Variants in SLMAP observed in about 807,000 individuals in gnomAD.
SLMAP encodes sarcolemmal membrane-associated protein.
A neutral mutation model predicts 128.8 loss-of-function variants in SLMAP; 44 were observed. The observed-to-expected ratio is 0.34, with a 90% CI of 0.27 to 0.44. The LOEUF (loss-of-function observed/expected upper bound fraction) is 0.44. Among genes scored for constraint, SLMAP ranks in the 20% least tolerant of loss-of-function variants. SLMAP has a pLI of 1.00. For synonymous variants in SLMAP, 327 were observed against 348.8 expected (o/e 0.94, Z 0.70); for missense variants, 787 against 985.3 (o/e 0.80, Z 2.69).
At position 57,847,230 on chromosome 3, in the gene SLMAP, C is replaced by T; in HGVS notation, c.453C>T (p.Asp151=). 1.9e-6 allele frequency: 3 copies of T among 1,608,930 alleles called. No individual in the cohort carries two copies. The highest frequency in any genetic ancestry group is 2.2e-5 in the East Asian group (1 of 44,698). The part of the protein sequence containing the change: ...VIHAPLPSPV[D]KVAANTPSMY... Reference sequence around the variant, plus strand: ...ATGCACCATTACCAAGTCCTGTTGACAAAGTAAGTTGCTAATGATTATTTT... The same window carrying T: ...ATGCACCATTACCAAGTCCTGTTGATAAAGTAAGTTGCTAATGATTATTTT... The change falls in exon 5 of 25, where the codon GAC becomes GAT. Residue 151 remains aspartate (D), a synonymous_variant. Transcript: ENST00000671191.
chr3:57,847,935 G>T (rs2094329137), intron 5 of SLMAP, among the ~76,000 whole-genome samples: 1 of 152,118 alleles, frequency 6.6e-6, no homozygotes, highest in Non-Finnish European at 1.5e-5. Context: ...AGTAAAAGTG[G>T]TTAATCATCA....
intron 17 of SLMAP, among the ~76,000 whole-genome samples, chr3:57,906,310 C>CTTTTTCTTTTT (rs2096549127): frequency 2.1e-5 from 1 of 47,046 alleles, no homozygotes; most frequent in African/African-American, 7.1e-5. Flanking sequence ...CTTTTTTTTT[C>CTTTTTCTTTTT]TTTTTTTTTT....
chr3:57,776,522 C>CTCT lies in SLMAP; in HGVS notation c.198+18674_198+18675insCTT, dbSNP rs571722815. On this transcript the variant is annotated intron_variant, in intron 2 of 24. Transcript: ENST00000671191. The stretch of plus-strand genomic sequence containing the variant: ...ATTTGTCCCTTCTCTCTCTCTCTCT[C>CTCT]TTTTTTTTTTTTTTTTTTTTTGAGA... Among the ~76,000 whole-genome samples the CTCT allele has an allele frequency of 4.5e-3, 418 of 92,606 alleles. 3 individuals carry two copies. Among genetic ancestry groups the CTCT allele is most frequent in the African/African-American group, 0.017 (366 of 21,414 alleles). 60.8% of individuals were successfully genotyped at this position (92,606 alleles called of 152,430 possible).
intron 22 of SLMAP, among the ~76,000 whole-genome samples, chr3:57,920,520 G>A (rs1283453830): frequency 6.6e-6 from 1 of 152,046 alleles, no homozygotes; most frequent in Non-Finnish European, 1.5e-5. Flanking sequence ...TCATTCCAAG[G>A]TGTTTACATT....
At chr3:57,892,868 C>T (rs973300800) in intron 15 of SLMAP, among the ~76,000 whole-genome samples, 1 of 131,630 alleles carries the variant, frequency 7.6e-6, no homozygotes, top group African/African-American at 2.9e-5. Context: ...GAGTCTCGCT[C>T]TGTTGCGCAG....
intron 2 of SLMAP, among the ~76,000 whole-genome samples, chr3:57,807,779 C>T (rs896364303): frequency 2.0e-5 from 3 of 152,100 alleles, no homozygotes; most frequent in Non-Finnish European, 2.9e-5. Flanking sequence ...ATGATGCTGG[C>T]CTCATAAAAT....
intron 6 of SLMAP, among the ~76,000 whole-genome samples, chr3:57,853,640 C>T (rs2094584978): frequency 6.6e-6 from 1 of 151,860 alleles, no homozygotes; most frequent in Admixed American, 6.6e-5. Flanking sequence ...CAATGTCTTT[C>T]TCTGTAAAAT....
At chr3:57,837,884 A>C (rs1446869343) in intron 3 of SLMAP, among the ~76,000 whole-genome samples, 1 of 152,252 alleles carries the variant, frequency 6.6e-6, no homozygotes, top group Non-Finnish European at 1.5e-5. Context: ...TGTCATGAGA[A>C]TCACATTAAA....
chr3:57,853,955 TTATATATA>T (rs1157170350), intron 6 of SLMAP, among the ~76,000 whole-genome samples: 666 of 31,898 alleles, frequency 0.021, 18 homozygotes, highest in African/African-American at 0.025. Flanking sequence ...AAAAAAAAAA[TTATATATA>T]TATATATATA....
At chr3:57,815,587 A>G (rs558669886) in intron 2 of SLMAP, among the ~76,000 whole-genome samples, 25 of 152,192 alleles carry the variant, frequency 1.6e-4, no homozygotes, top group African/African-American at 5.5e-4. Context: ...TATGTTATAT[A>G]TTTATCACCT....
chr3:57,892,783 AACACAC>A lies in SLMAP; in HGVS notation c.1360+2705_1360+2710del, dbSNP rs141561615. On this transcript the variant is annotated intron_variant, in intron 15 of 24. Coordinates refer to ENST00000671191, the MANE Select transcript of SLMAP (RefSeq NM_001377540.1). Reference sequence around the variant, plus strand: ...AACGTAACAAGACACTGTCTCTTAAAACACACACACACACACACACACACACATACA... The same window carrying A: ...AACGTAACAAGACACTGTCTCTTAAAACACACACACACACACACACATACA... 4.9e-5 allele frequency among the ~76,000 whole-genome samples: 7 copies of A among 143,904 alleles called. 1 individual carries two copies. Among genetic ancestry groups the A allele is most frequent in the South Asian group, 4.5e-4 (2 of 4,480 alleles). The allele number at this position is 143,904 out of a possible 152,430, so 94.4% of individuals were successfully genotyped here. A position where few individuals can be genotyped will look rare whatever the true frequency, so the allele number is the denominator to read the frequency against.
chr3:57,927,049 T>G (rs2097022469), intron 24 of SLMAP, among the ~76,000 whole-genome samples: 1 of 152,218 alleles, frequency 6.6e-6, no homozygotes. Context: ...TGTAACAAAG[T>G]TGAAAACTTC....
At chr3:57,854,269 A>G (rs73088383) in intron 6 of SLMAP, among the ~76,000 whole-genome samples, 3,350 of 151,412 alleles carry the variant, frequency 0.022, 73 homozygotes, top group South Asian at 0.052. Context: ...TGAAAATGCA[A>G]TAGGCTGTGC....
At chr3:57,842,793 C>G (rs2094002850) in intron 4 of SLMAP, among the ~76,000 whole-genome samples, 1 of 152,086 alleles carries the variant, frequency 6.6e-6, no homozygotes, top group Admixed American at 6.5e-5. Flanking sequence ...TAAATTTTTG[C>G]TGCCAATATA....
At chr3:57,828,070 C>T (rs1032924815) in intron 2 of SLMAP, among the ~76,000 whole-genome samples, 1 of 152,174 alleles carries the variant, frequency 6.6e-6, no homozygotes, top group African/African-American at 2.4e-5. Context: ...TGTCTCAGCC[C>T]CTCACTGCCG....
At chr3:57,878,584 A>G (rs989249674) in intron 14 of SLMAP, among the ~76,000 whole-genome samples, 3 of 152,172 alleles carry the variant, frequency 2.0e-5, no homozygotes, top group Non-Finnish European at 4.4e-5. Flanking sequence ...TTAAACCTTG[A>G]TTTCCTCATT....
At chr3:57,887,275 G>A (rs1381914006) in intron 14 of SLMAP, among the ~76,000 whole-genome samples, 2 of 150,558 alleles carry the variant, frequency 1.3e-5, no homozygotes, top group African/African-American at 2.4e-5. Flanking sequence ...TGTTGCCCAG[G>A]CTGAAGTGCA....
intron 2 of SLMAP, among the ~76,000 whole-genome samples, chr3:57,786,820 G>A (rs1216037256): frequency 8.3e-5 from 12 of 143,912 alleles, no homozygotes; most frequent in African/African-American, 2.6e-4. Flanking sequence ...TGCAAGCTCC[G>A]CCTCCCAGGT....
intron 22 of SLMAP, among the ~76,000 whole-genome samples, chr3:57,919,690 A>G (rs972791120): frequency 2.0e-5 from 3 of 151,398 alleles, no homozygotes; most frequent in Non-Finnish European, 4.4e-5. Flanking sequence ...GTTACTTGGG[A>G]GGCTGAGGCA....
Sources: gnomAD v4.1 joint callset for allele counts (sites outside exome capture counted in the v4.1 genomes callset) on GRCh38, gnomAD v4.1.1 for gene constraint, MANE v1.5 for transcripts, NCBI Gene and HGNC (gene_info 2026-07-23, HGNC 2026-07-21) for gene names.